WDPCP: variants seen among roughly 807,000 people sequenced by gnomAD.
The protein encoded by WDPCP is WD repeat-containing and planar cell polarity effector protein fritz homolog.
Under a neutral mutation model 93.1 loss-of-function variants are expected in WDPCP, and 71 were observed. That is an observed-to-expected ratio of 0.76 (90% CI 0.63 to 0.93). The LOEUF is 0.93. Ranked by LOEUF, WDPCP falls within the 40% of genes least tolerant of loss-of-function variation. The pLI, the probability that WDPCP is intolerant of heterozygous loss-of-function variation, is 0.00. For synonymous variants in WDPCP, 315 were observed against 315.0 expected, an observed-to-expected ratio of 1.00 and a Z score of 0.00; for missense variants, 844 against 887.4, an observed-to-expected ratio of 0.95 and a Z score of 0.62.
intron 1 of WDPCP, among the ~76,000 whole-genome samples, chr2:63,494,287 T>TGACGACGAC (rs11281691): frequency 0.78 from 117,119 of 150,360 alleles, 46,283 homozygotes; most frequent in East Asian, 0.97. Flanking sequence ...ATGATGATGA[T>TGACGACGAC]GACGACGACG....
chr2:63,295,806 G>A (rs868771906), intron 13 of WDPCP, among the ~76,000 whole-genome samples: 4 of 145,606 alleles, frequency 2.7e-5, no homozygotes, highest in Non-Finnish European at 6.0e-5. Context: ...AAAAGCCCAG[G>A]ACCAGATGAA....
chr2:63,592,698 G>A (rs1232082339), upstream of WDPCP, among the ~76,000 whole-genome samples: 4 of 152,182 alleles, frequency 2.6e-5, no homozygotes, highest in South Asian at 4.1e-4. Flanking sequence ...TTTAAAGCAC[G>A]TTACATATGT....
chr2:63,517,476 AT>A (rs1348391509), intron 1 of WDPCP, among the ~76,000 whole-genome samples: 2 of 152,204 alleles, frequency 1.3e-5, no homozygotes, highest in Non-Finnish European at 2.9e-5. Context: ...ATAAGTCTAA[AT>A]GTATCCCACA....
chr2:63,560,465 A>T (rs1706519793), intron 1 of WDPCP, among the ~76,000 whole-genome samples: 1 of 152,194 alleles, frequency 6.6e-6, no homozygotes, highest in Admixed American at 6.5e-5. Flanking sequence ...CTGATCTTCA[A>T]CAAACCTGAC....
At chr2:63,380,801 TA>T (rs1692237142) in intron 11 of WDPCP, among the ~76,000 whole-genome samples, 1 of 152,118 alleles carries the variant, frequency 6.6e-6, no homozygotes, top group East Asian at 1.9e-4. Context: ...TAACATTAAA[TA>T]AATATGTATT....
chr2:63,278,748 C>A (rs775816271), intron 13 of WDPCP, among the ~76,000 whole-genome samples: 1 of 152,102 alleles, frequency 6.6e-6, no homozygotes, highest in African/African-American at 2.4e-5. Context: ...ATGGTGTGAA[C>A]CTGGGAGGCA....
intron 6 of WDPCP, among the ~76,000 whole-genome samples, chr2:63,472,173 CT>C (rs976872416): frequency 5.3e-4 from 80 of 150,412 alleles, no homozygotes; most frequent in Admixed American, 4.0e-3. Context: ...TTTTTCTTTT[CT>C]TTTTTTTTAA....
chr2:63,319,273 T>C (rs754712739), intron 12 of WDPCP, among the ~76,000 whole-genome samples: 2 of 152,220 alleles, frequency 1.3e-5, no homozygotes, highest in Non-Finnish European at 2.9e-5. Flanking sequence ...CTCTAATCCA[T>C]CTTCAGTTAA....
At chr2:63,441,475 T>G (rs1176801652) in intron 6 of WDPCP, 1 of 151,852 alleles carries the variant, frequency 6.6e-6, no homozygotes, top group African/African-American at 2.4e-5. Flanking sequence ...ACCTATACTC[T>G]TAAGCACTTC....
At chr2:63,587,505 T>C (rs1708941042) in intron 1 of WDPCP, among the ~76,000 whole-genome samples, 1 of 152,212 alleles carries the variant, frequency 6.6e-6, no homozygotes, top group Non-Finnish European at 1.5e-5. Context: ...AATTGAAAGA[T>C]ATTACTTGGC....
chr2:63,584,047 C>A (rs894147147), intron 1 of WDPCP, among the ~76,000 whole-genome samples: 1 of 152,084 alleles, frequency 6.6e-6, no homozygotes, highest in African/African-American at 2.4e-5. Flanking sequence ...ATAATACCAG[C>A]GCTTTGGGTG....
intron 2 of WDPCP, among the ~76,000 whole-genome samples, chr2:63,665,866 G>A (rs1710276967): frequency 6.6e-6 from 1 of 152,202 alleles, no homozygotes; most frequent in African/African-American, 2.4e-5. Context: ...ACACAGGAAG[G>A]CAGATCCCTG....
At position 63,361,559 on chromosome 2, in the gene WDPCP, G is replaced by A. The variant is rs796158711; in HGVS notation, c.1748+16827C>T. Among the ~76,000 whole-genome samples the A allele has an allele frequency of 3.9e-5, 6 of 152,296 alleles. 1 individual carries two copies. Among genetic ancestry groups the A allele is most frequent in the African/African-American group, 1.4e-4 (6 of 41,554 alleles). ...ATGAGGAAAGCAAGAATAACATAGG[G>A]AACATGGAAATAAAGCCAGTTAAGT... On this transcript the variant is annotated intron_variant, in intron 12 of 17. Coordinates refer to ENST00000272321, the MANE Select transcript of WDPCP (RefSeq NM_015910.7).
intron 2 of WDPCP, among the ~76,000 whole-genome samples, chr2:63,728,620 C>G (rs991677275): frequency 4.6e-5 from 7 of 152,060 alleles, no homozygotes; most frequent in Admixed American, 1.3e-4. Flanking sequence ...CCTCATTGTA[C>G]AGATGAGGAG....
chr2:63,698,897 G>T (rs916214504), intron 2 of WDPCP, among the ~76,000 whole-genome samples: 4 of 152,194 alleles, frequency 2.6e-5, no homozygotes, highest in Non-Finnish European at 4.4e-5. Context: ...CTGACAGGAT[G>T]CAGTTATACT....
rs542268539 is a variant in WDPCP, at chr2:63,219,783, G to A, written c.1915+39524C>T. Among the ~76,000 whole-genome samples the A allele has an allele frequency of 8.5e-5, 13 of 152,192 alleles. No homozygotes were observed. The East Asian group carries it at 1.9e-3, about 23-fold the overall frequency. ...TGGGAGGCTGAGGCGGGCAGATCACGAGGTCAGGAGTTCGAGACCAGCCTG... is the reference window on the plus strand; with the variant it reads ...TGGGAGGCTGAGGCGGGCAGATCACAAGGTCAGGAGTTCGAGACCAGCCTG... On this transcript the variant is annotated intron_variant, in intron 14 of 17. Transcript: ENST00000272321.
At chr2:63,370,627 A>T (rs559763926) in intron 12 of WDPCP, among the ~76,000 whole-genome samples, 6 of 152,198 alleles carry the variant, frequency 3.9e-5, no homozygotes, top group Non-Finnish European at 8.8e-5. Flanking sequence ...ACTTGCAAAA[A>T]ACATCTTGGG....
intron 2 of WDPCP, among the ~76,000 whole-genome samples, chr2:63,807,821 A>C (rs976562621): frequency 1.3e-5 from 2 of 152,238 alleles, no homozygotes; most frequent in Admixed American, 1.3e-4. Context: ...GAACTTGAAG[A>C]TTAAAACTGA....
intron 9 of WDPCP, among the ~76,000 whole-genome samples, chr2:63,418,106 C>A (rs1363083053): frequency 1.3e-5 from 2 of 152,026 alleles, no homozygotes. Flanking sequence ...CAGATCCTTG[C>A]AAATAAGAAG....
Sources: allele counts gnomAD v4.1 joint callset (sites outside exome capture counted in the v4.1 genomes callset), GRCh38; gene constraint gnomAD v4.1.1; transcripts MANE v1.5; gene names NCBI Gene and HGNC (gene_info 2026-07-23, HGNC 2026-07-21).